Variants in CALN1 observed in about 807,000 individuals in gnomAD.
The protein encoded by CALN1 is calcium-binding protein 8.
A neutral mutation model predicts 30.6 loss-of-function variants in CALN1; 17 were observed. That is an observed-to-expected ratio of 0.56 (90% CI 0.38 to 0.83). The LOEUF is 0.83. CALN1 is among the 40% of genes least tolerant of loss of function. The pLI is 0.00. For synonymous variants in CALN1, 156 were observed against 131.4 expected (o/e 1.19, Z -1.28); for missense variants, 291 against 354.9 (o/e 0.82, Z 1.45).
At chr7:72,099,780 A>G (rs1350967382) in intron 4 of CALN1, among the ~76,000 whole-genome samples, 1 of 152,208 alleles carries the variant, frequency 6.6e-6, no homozygotes, top group Non-Finnish European at 1.5e-5. Flanking sequence ...TCAAAAATAA[A>G]TAAATGTGCT....
chr7:72,454,021 C>A, the CALN1 span, among the ~76,000 whole-genome samples: 1 of 150,014 alleles, frequency 6.7e-6, no homozygotes. Flanking sequence ...TATTCATGGG[C>A]AACTAAAAAA....
chr7:72,290,843 G>A (rs1798428629), intron 2 of CALN1, among the ~76,000 whole-genome samples: 1 of 151,282 alleles, frequency 6.6e-6, no homozygotes, highest in African/African-American at 2.4e-5. Flanking sequence ...GTTTACTTTG[G>A]TTCTTTTATA....
At chr7:72,493,871 T>C in the CALN1 span, among the ~76,000 whole-genome samples, 1 of 152,208 alleles carries the variant, frequency 6.6e-6, no homozygotes, top group African/African-American at 2.4e-5. Context: ...TAGTGTGCTT[T>C]GTGGGTGTAG....
chr7:72,384,622 C>A (rs552571381), intron 2 of CALN1, among the ~76,000 whole-genome samples: 2 of 151,268 alleles, frequency 1.3e-5, no homozygotes, highest in African/African-American at 4.9e-5. Flanking sequence ...CCAGCCTGGG[C>A]AACATAGTGA....
intron 4 of CALN1, among the ~76,000 whole-genome samples, chr7:72,029,227 C>T (rs936820990): frequency 3.9e-5 from 6 of 152,014 alleles, no homozygotes; most frequent in South Asian, 4.2e-4. Context: ...CCCGGGTTCA[C>T]GCCATTCTCC....
chr7:72,458,892 G>T, the CALN1 span, among the ~76,000 whole-genome samples: 16 of 138,586 alleles, frequency 1.2e-4, no homozygotes, highest in East Asian at 2.2e-3. Flanking sequence ...GTTTGTTTTG[G>T]TTTTTTTGGG....
the CALN1 span, among the ~76,000 whole-genome samples, chr7:72,502,982 G>A: frequency 1.3e-5 from 2 of 151,990 alleles, no homozygotes; most frequent in African/African-American, 2.4e-5. Context: ...GCAAAACCCC[G>A]TCTCTACTAA....
At chr7:72,105,086 A>T (rs184810899) in intron 4 of CALN1, among the ~76,000 whole-genome samples, 320 of 151,162 alleles carry the variant, frequency 2.1e-3, no homozygotes, top group African/African-American at 7.6e-3. Flanking sequence ...CTCCTGTGTT[A>T]GTTTGCCGAG....
intron 5 of CALN1, among the ~76,000 whole-genome samples, chr7:71,890,786 C>T (rs926241604): frequency 7.4e-5 from 9 of 121,298 alleles, no homozygotes; most frequent in Non-Finnish European, 1.5e-4. Context: ...TACTCTGTTG[C>T]CCAGACTGGA....
At chr7:71,853,373 G>A (rs958074861) in intron 5 of CALN1, among the ~76,000 whole-genome samples, 4 of 151,964 alleles carry the variant, frequency 2.6e-5, no homozygotes, top group East Asian at 3.9e-4. Flanking sequence ...TTTGATATAT[G>A]TATACATTAT....
intron 3 of CALN1, among the ~76,000 whole-genome samples, chr7:72,273,523 T>TC (rs1172130569): frequency 3.2e-4 from 46 of 141,950 alleles, no homozygotes; most frequent in Admixed American, 6.4e-4. Context: ...TTTTTTTTCT[T>TC]CCCCCTAGAG....
At chr7:72,034,353 C>CA (rs34276736) in intron 4 of CALN1, among the ~76,000 whole-genome samples, 44,525 of 90,024 alleles carry the variant, frequency 0.49, 9,547 homozygotes, top group Middle Eastern at 0.61. Context: ...GACTCTGTCT[C>CA]AAAAAAAAAA....
chr7:72,167,587 C>G (rs1313621737), intron 3 of CALN1, among the ~76,000 whole-genome samples: 1 of 152,182 alleles, frequency 6.6e-6, no homozygotes, highest in Non-Finnish European at 1.5e-5. Flanking sequence ...TCAAGTGATC[C>G]ACCCTCCTCA....
chr7:72,312,960 A>T (rs1173324800), intron 2 of CALN1, among the ~76,000 whole-genome samples: 1 of 151,906 alleles, frequency 6.6e-6, no homozygotes, highest in Non-Finnish European at 1.5e-5. Context: ...TCAGCCTCCC[A>T]AGTAGCTGGG....
At chr7:72,344,973 A>G (rs1363665232) in intron 2 of CALN1, among the ~76,000 whole-genome samples, 1 of 147,256 alleles carries the variant, frequency 6.8e-6, no homozygotes, top group South Asian at 2.1e-4. Flanking sequence ...ATATTTATAT[A>G]TAAATATTTA....
chr7:71,935,607 C>A (rs1795786127), intron 5 of CALN1, among the ~76,000 whole-genome samples: 1 of 152,162 alleles, frequency 6.6e-6, no homozygotes, highest in Admixed American at 6.5e-5. Flanking sequence ...CCTGTAATTC[C>A]AGCTATTCTG....
At chr7:71,801,432 C>CTATCTATA (rs1787305309) in intron 6 of CALN1, among the ~76,000 whole-genome samples, 1 of 116,772 alleles carries the variant, frequency 8.6e-6, no homozygotes, top group Non-Finnish European at 1.9e-5. Context: ...ATGTATGTAT[C>CTATCTATA]TATCTATCTA....
intron 3 of CALN1, among the ~76,000 whole-genome samples, chr7:72,251,763 G>A (rs1795577407): frequency 6.6e-6 from 1 of 152,156 alleles, no homozygotes; most frequent in East Asian, 1.9e-4. Context: ...TTGTGGTGAT[G>A]GAAAGGTTCT....
chr7:71,907,239 A>C (rs1584487548), intron 5 of CALN1, among the ~76,000 whole-genome samples: 1 of 147,744 alleles, frequency 6.8e-6, no homozygotes, highest in Non-Finnish European at 1.5e-5. Context: ...ATGAGGTTTA[A>C]ACACACACAC....
Sources: allele counts gnomAD v4.1 joint callset (sites outside exome capture counted in the v4.1 genomes callset), GRCh38; gene constraint gnomAD v4.1.1; transcripts MANE v1.5; gene names NCBI Gene and HGNC (gene_info 2026-07-23, HGNC 2026-07-21).